Variants in GAREM2 observed in about 807,000 individuals in gnomAD.
GAREM2 encodes the protein GRB2-associated and regulator of MAPK protein 2.
Under a neutral mutation model 55.6 loss-of-function variants are expected in GAREM2, and 30 were observed. That is an observed-to-expected ratio of 0.54 (90% CI 0.40 to 0.73). GAREM2 has a LOEUF of 0.73. Ranked by LOEUF, GAREM2 falls within the 30% of genes least tolerant of loss-of-function variation. GAREM2 has a pLI of 0.00. For synonymous variants in GAREM2, 550 were observed against 569.1 expected, an observed-to-expected ratio of 0.97 and a Z score of 0.48; for missense variants, 1,075 against 1,257.7, an observed-to-expected ratio of 0.85 and a Z score of 2.20.
chr2:26,184,830 C>G lies in GAREM2; in HGVS notation c.982C>G (p.Gln328Glu). The part of the protein sequence containing the change: ...LTDTPRFALP[Q>E]GLLAGDPRVE... ...GGACACGCCGCGCTTCGCGCTGCCG[C>G]AGGGCCTGCTGGCCGGGGACCCGCG... is the stretch of plus-strand genomic sequence containing the variant. The change falls in exon 4 of 6, where the codon CAG (glutamine) becomes GAG (glutamate). Residue 328 changes from glutamine (Q) to glutamate (E), a missense_variant. Around this residue, in one of 6 missense-constraint regions of GAREM2, gnomAD observed 170 missense variants for 220.7 expected, o/e 0.77. Coordinates refer to ENST00000401533, the MANE Select transcript of GAREM2 (RefSeq NM_001168241.2). 6.7e-7 allele frequency: 1 copy of G among 1,484,754 alleles called. No individual in the cohort carries two copies. Among genetic ancestry groups the G allele is most frequent in the Non-Finnish European group, 8.9e-7 (1 of 1,126,002 alleles). The allele number at this position is 1,484,754 out of a possible 1,614,324, so 92.0% of individuals were successfully genotyped here.
At chr2:26,200,771 C>T in the GAREM2 span, among the ~76,000 whole-genome samples, 1 of 150,068 alleles carries the variant, frequency 6.7e-6, no homozygotes, top group Non-Finnish European at 1.5e-5. Context: ...CTCGCTCTGT[C>T]ACCCAGACTG....
At chr2:26,177,416 C>G (rs1484561132) in intron 2 of GAREM2, among the ~76,000 whole-genome samples, 7 of 152,252 alleles carry the variant, frequency 4.6e-5, no homozygotes, top group Admixed American at 6.5e-5. Flanking sequence ...ATCCTCATGG[C>G]AACCTGATGA....
Position 26,173,751 on chromosome 2 carries a change from T to G in GAREM2, c.112+419T>G, listed in dbSNP as rs565976858. On this transcript the variant is annotated intron_variant, in intron 1 of 5. Transcript: ENST00000401533. ...CTGGGACCCGGACTCTGTCTTCCCC[T>G]TACCGCCACCCCTAGTCCTGCTCCG... is the stretch of plus-strand genomic sequence containing the variant. Among the ~76,000 whole-genome samples, 870 of 151,338 alleles carry G rather than the reference T, an allele frequency of 5.7e-3. 11 individuals carry two copies. Among genetic ancestry groups the G allele is most frequent in the African/African-American group, 0.02 (833 of 41,208 alleles).
chr2:26,195,849 A>G, the GAREM2 span, among the ~76,000 whole-genome samples: 1 of 152,136 alleles, frequency 6.6e-6, no homozygotes, highest in African/African-American at 2.4e-5. Flanking sequence ...CAGAAACTCC[A>G]TGGGTGGGGC....
At chr2:26,196,245 CATTATGTA>C in the GAREM2 span, among the ~76,000 whole-genome samples, 6 of 152,146 alleles carry the variant, frequency 3.9e-5, no homozygotes, top group Non-Finnish European at 1.5e-5. Context: ...TCTCCAATGC[CATTATGTA>C]ATACACAGAT....
At chr2:26,198,832 T>C in the GAREM2 span, among the ~76,000 whole-genome samples, 1 of 152,022 alleles carries the variant, frequency 6.6e-6, no homozygotes. Flanking sequence ...GGAGGATTAC[T>C]TGAGGCCAGG....
At chr2:26,199,823 A>G in the GAREM2 span, among the ~76,000 whole-genome samples, 30 of 152,166 alleles carry the variant, frequency 2.0e-4, no homozygotes, top group African/African-American at 7.0e-4. Flanking sequence ...AGTTGTGGTG[A>G]GACGACTAAG....
At chr2:26,186,745 T>G (rs1227326804) in intron 5 of GAREM2, among the ~76,000 whole-genome samples, 1 of 152,056 alleles carries the variant, frequency 6.6e-6, no homozygotes, top group Non-Finnish European at 1.5e-5. Flanking sequence ...GGAGGCCGAG[T>G]TGGGTGAATC....
intron 2 of GAREM2, chr2:26,182,230 G>T (rs1335715238): frequency 1.6e-5 from 23 of 1,407,566 alleles, no homozygotes; most frequent in Non-Finnish European, 2.0e-5. Flanking sequence ...TGTCTCCTAG[G>T]GGCATGTGCT....
Position 26,187,542 on chromosome 2 carries a change from C to T in GAREM2, c.1910C>T (p.Ala637Val). ...FGALNPFSGPAYPSGPSAALS... is the reference protein window; with the variant it reads ...FGALNPFSGPVYPSGPSAALS... ...GCTCTCAACCCTTTTTCCGGGCCTG[C>T]CTACCCCTCAGGCCCTTCAGCGGCC... The change falls in exon 6 of 6, where the codon GCC becomes GTC. Residue 637 changes from alanine (A) to valine (V), a missense_variant. Coordinates refer to ENST00000401533, the MANE Select transcript of GAREM2 (RefSeq NM_001168241.2). 1.3e-6 allele frequency: 2 copies of T among 1,537,880 alleles called. No individual in the cohort carries two copies. The highest frequency in any genetic ancestry group is 1.8e-6 in the Non-Finnish European group (2 of 1,140,856).
chr2:26,182,627 GA>G, intron 2 of GAREM2: 2 of 894,782 alleles, frequency 2.2e-6, no homozygotes, highest in South Asian at 3.2e-5. Context: ...GTACCACACT[GA>G]TAGTTGATCA....
At chr2:26,174,300 G>C (rs924950481) in intron 1 of GAREM2, among the ~76,000 whole-genome samples, 4 of 152,234 alleles carry the variant, frequency 2.6e-5, no homozygotes, top group Non-Finnish European at 2.9e-5. Flanking sequence ...CCCCGCCGTC[G>C]GGCAGGCCAG....
At chr2:26,203,928 C>T in the GAREM2 span, 1 of 882,200 alleles carries the variant, frequency 1.1e-6, no homozygotes, top group Non-Finnish European at 1.9e-6. Context: ...ATCTAGAACT[C>T]ATTATGTTCA....
the GAREM2 span, chr2:26,204,208 G>A: frequency 7.4e-6 from 12 of 1,612,844 alleles, no homozygotes; most frequent in African/African-American, 1.6e-4. Flanking sequence ...TGCAAGGCAA[G>A]GATGAAATGA....
chr2:26,188,541 G>A lies in GAREM2; in HGVS notation c.*284G>A, dbSNP rs547428061. 34 of 331,272 alleles carry A rather than the reference G, an allele frequency of 1.0e-4. No homozygotes were observed. Among genetic ancestry groups the A allele is most frequent in the African/African-American group, 6.3e-4 (30 of 47,442 alleles). 20.5% of individuals were successfully genotyped at this position (331,272 alleles called of 1,614,324 possible). A position where few individuals can be genotyped will look rare whatever the true frequency, so the allele number is the denominator to read the frequency against. On this transcript the variant is annotated 3_prime_UTR_variant, in exon 6 of 6. Transcript: ENST00000401533. ...AGGCATTTGCCGTGATTCCCACAAC[G>A]GGGTCAAAAGCTGGCCTTCAGGGTG... is the stretch of plus-strand genomic sequence containing the variant.
intron 2 of GAREM2, 113 bp from the exon 3 acceptor site, chr2:26,182,854 C>T (rs1669097483): frequency 1.5e-6 from 2 of 1,349,586 alleles, no homozygotes; most frequent in Admixed American, 4.3e-5. Context: ...CTCCTGAGTT[C>T]CTGAGGGGCT....
At chr2:26,183,369 C>T (rs1343634031) in intron 3 of GAREM2, among the ~76,000 whole-genome samples, 2 of 152,220 alleles carry the variant, frequency 1.3e-5, no homozygotes, top group Non-Finnish European at 2.9e-5. Context: ...CAACCTGTCC[C>T]TAGCTGCCCC....
the GAREM2 span, among the ~76,000 whole-genome samples, chr2:26,195,914 G>C: frequency 1.3e-5 from 2 of 152,198 alleles, no homozygotes; most frequent in African/African-American, 4.8e-5. Context: ...TAAGGTTTCA[G>C]AGAAACCCCT....
At chr2:26,173,661 C>T (rs1668771222) in intron 1 of GAREM2, among the ~76,000 whole-genome samples, 1 of 151,980 alleles carries the variant, frequency 6.6e-6, no homozygotes, top group South Asian at 2.1e-4. Flanking sequence ...CCCTGGGCCC[C>T]CCGCCCCGGC....
Sources: allele counts gnomAD v4.1 joint callset (sites outside exome capture counted in the v4.1 genomes callset), GRCh38; gene constraint gnomAD v4.1.1; regional missense constraint gnomAD v4.1.1; transcripts MANE v1.5; gene names NCBI Gene and HGNC (gene_info 2026-07-23, HGNC 2026-07-21).